Variants in PLAAT1 observed in about 807,000 individuals in gnomAD.
PLAAT1 encodes the protein H-REV107 protein-related protein.
Under a neutral mutation model 16.4 loss-of-function variants are expected in PLAAT1, and 13 were observed. That is an observed-to-expected ratio of 0.79 (90% CI 0.52 to 1.26). The LOEUF (loss-of-function observed/expected upper bound fraction) is 1.26, where lower values mean the gene tolerates loss of function less well. PLAAT1 is among the 50% of genes most tolerant of loss of function. The pLI, the probability that PLAAT1 is intolerant of heterozygous loss-of-function variation, is 0.00. For missense variants in PLAAT1, 218 were observed against 207.8 expected (o/e 1.05, Z -0.30); for synonymous variants, 73 against 78.4 (o/e 0.93, Z 0.36).
rs564824588 is a variant in PLAAT1, at chr3:193,245,410, T to C, written c.-1+3877T>C. Among the ~76,000 whole-genome samples the C allele has an allele frequency of 3.9e-5, 6 of 152,344 alleles. No individual in the cohort carries two copies. In the South Asian group the frequency reaches 1.2e-3, roughly 32 times the overall value. On this transcript the variant is annotated intron_variant, in intron 1 of 3. Coordinates refer to ENST00000264735, the MANE Select transcript of PLAAT1 (RefSeq NM_020386.5). ...GGCTGTATAGTTATTTCAATGTGTA[T>C]ATGTACCACATTTTTATCCGTTTAT...
At chr3:193,261,155 G>T (rs1716570135) in intron 2 of PLAAT1, among the ~76,000 whole-genome samples, 1 of 152,176 alleles carries the variant, frequency 6.6e-6, no homozygotes, top group South Asian at 2.1e-4. Context: ...ATCAGTTGAG[G>T]TCAGGAGTTC....
downstream of PLAAT1, among the ~76,000 whole-genome samples, chr3:193,271,653 A>G (rs1038353202): frequency 6.6e-6 from 1 of 152,196 alleles, no homozygotes; most frequent in African/African-American, 2.4e-5. Flanking sequence ...ACATGACCCC[A>G]TAAACTACAC....
At chr3:193,271,642 A>G (rs1052068910), downstream of PLAAT1, among the ~76,000 whole-genome samples, 1 of 152,308 alleles carries the variant, frequency 6.6e-6, no homozygotes, top group African/African-American at 2.4e-5. Context: ...CAGACATTGT[A>G]ACATGACCCC....
chr3:193,242,342 C>G (rs576965597), intron 1 of PLAAT1, among the ~76,000 whole-genome samples: 109 of 152,012 alleles, frequency 7.2e-4, no homozygotes, highest in African/African-American at 2.5e-3. Context: ...TAGATGGATG[C>G]CTGTGGAAGC....
chr3:193,246,723 T>C (rs1465863678), intron 1 of PLAAT1, among the ~76,000 whole-genome samples: 1 of 152,206 alleles, frequency 6.6e-6, no homozygotes, highest in African/African-American at 2.4e-5. Flanking sequence ...TCCCACTTGA[T>C]TATGGTGAGT....
downstream of PLAAT1, among the ~76,000 whole-genome samples, chr3:193,278,416 G>A (rs1344266444): frequency 6.6e-6 from 1 of 152,056 alleles, no homozygotes; most frequent in African/African-American, 2.4e-5. Flanking sequence ...ATCCATGCCT[G>A]CCTTTATTAT....
At chr3:193,277,026 A>G (rs1717248748) in intron 2 of PLAAT1, among the ~76,000 whole-genome samples, 1 of 152,204 alleles carries the variant, frequency 6.6e-6, no homozygotes, top group Non-Finnish European at 1.5e-5. Flanking sequence ...TCAAAGGAGA[A>G]TGGACTACCT....
At chr3:193,260,230 G>A (rs993950644) in intron 2 of PLAAT1, among the ~76,000 whole-genome samples, 1 of 152,086 alleles carries the variant, frequency 6.6e-6, no homozygotes, top group Non-Finnish European at 1.5e-5. Flanking sequence ...AAGTTTAAAT[G>A]AAGAACTCAA....
intron 1 of PLAAT1, among the ~76,000 whole-genome samples, chr3:193,246,858 G>A (rs1247643027): frequency 6.6e-6 from 1 of 152,070 alleles, no homozygotes; most frequent in Non-Finnish European, 1.5e-5. Context: ...TTGGTGTCAG[G>A]GTAATACTGG....
chr3:193,249,654 C>A (rs2108782529), intron 1 of PLAAT1, among the ~76,000 whole-genome samples: 1 of 152,140 alleles, frequency 6.6e-6, no homozygotes, highest in African/African-American at 2.4e-5. Context: ...TAATGCTGTC[C>A]ACTAAGGCTG....
chr3:193,240,654 C>CGTGTGTGTGTGTGTGT (rs370008875), upstream of PLAAT1, among the ~76,000 whole-genome samples: 3,275 of 88,370 alleles, frequency 0.037, 95 homozygotes, highest in African/African-American at 0.039. Flanking sequence ...GGCTATCTGG[C>CGTGTGTGTGTGTGTGT]GTGTGTGTGT....
downstream of PLAAT1, among the ~76,000 whole-genome samples, chr3:193,279,846 A>C (rs1248182685): frequency 1.3e-5 from 2 of 151,910 alleles, no homozygotes; most frequent in African/African-American, 4.8e-5. Context: ...AAGGCCTTCC[A>C]CAATCTGGTC....
chr3:193,242,153 G>A (rs117220160), intron 1 of PLAAT1, among the ~76,000 whole-genome samples: 1 of 149,474 alleles, frequency 6.7e-6, no homozygotes, highest in Non-Finnish European at 1.5e-5. Flanking sequence ...GCTATCATTA[G>A]AGTTAGTGTA....
chr3:193,241,466 CAA>C lies in PLAAT1; in HGVS notation c.-67_-66del, dbSNP rs1331099529. 2.4e-6 allele frequency: 3 copies of C among 1,231,848 alleles called. No homozygotes were observed. The highest frequency in any genetic ancestry group is 3.0e-6 in the Non-Finnish European group (3 of 988,204). 76.3% of individuals were successfully genotyped at this position (1,231,848 alleles called of 1,614,324 possible). On this transcript the variant is annotated 5_prime_UTR_variant, in exon 1 of 4. Transcript: ENST00000264735. ...GCGGCAAGGTCGGCAGCTGCGAGGC[CAA>C]GAGAGACCCCAGGACACACACAGCT... is the stretch of plus-strand genomic sequence containing the variant.
chr3:193,242,298 T>C (rs976913864), intron 1 of PLAAT1, among the ~76,000 whole-genome samples: 4 of 151,864 alleles, frequency 2.6e-5, no homozygotes, highest in Admixed American at 2.0e-4. Context: ...CAGAGACCAG[T>C]AGCTGAGGCA....
At chr3:193,241,215 C>A (rs1027021551), upstream of PLAAT1, 1 of 1,223,490 alleles carries the variant, frequency 8.2e-7, no homozygotes, top group South Asian at 4.1e-5. Flanking sequence ...GCGGGCGGCT[C>A]CCCATGGTCA....
downstream of PLAAT1, among the ~76,000 whole-genome samples, chr3:193,274,421 C>A (rs1389021026): frequency 2.6e-5 from 4 of 152,214 alleles, no homozygotes; most frequent in Non-Finnish European, 5.9e-5. Context: ...GTGGAATTTG[C>A]TTATATATTA....
intron 3 of PLAAT1, among the ~76,000 whole-genome samples, chr3:193,266,390 C>T (rs567079326): frequency 2.6e-5 from 4 of 152,282 alleles, no homozygotes; most frequent in African/African-American, 9.6e-5. Flanking sequence ...GAGCCATCTT[C>T]TTATTTGACT....
chr3:193,265,878 G>A (rs1379894197), intron 3 of PLAAT1, among the ~76,000 whole-genome samples: 1 of 151,622 alleles, frequency 6.6e-6, no homozygotes, highest in Non-Finnish European at 1.5e-5. Context: ...ATAGGAAATA[G>A]GTTCCATTCC....
Sources: gnomAD v4.1 joint callset for allele counts (sites outside exome capture counted in the v4.1 genomes callset) on GRCh38, gnomAD v4.1.1 for gene constraint, MANE v1.5 for transcripts, NCBI Gene and HGNC (gene_info 2026-07-23, HGNC 2026-07-21) for gene names.